TMEM178B: variants seen among roughly 807,000 people sequenced by gnomAD.
TMEM178B encodes transmembrane protein 178B.
A neutral mutation model predicts 31.0 loss-of-function variants in TMEM178B; 5 were observed. That is an observed-to-expected ratio of 0.16 (90% confidence interval 0.08 to 0.34). The LOEUF is 0.34. Among genes scored for constraint, TMEM178B ranks in the 10% least tolerant of loss-of-function variants. The pLI, the probability that TMEM178B is intolerant of heterozygous loss-of-function variation, is 1.00. For missense variants in TMEM178B, 275 were observed against 400.3 expected (o/e 0.69, Z 2.67); for synonymous variants, 164 against 164.0 (o/e 1.00, Z 0.00).
chr7:141,165,638 C>A (rs1056636049), intron 1 of TMEM178B, among the ~76,000 whole-genome samples: 1 of 152,206 alleles, frequency 6.6e-6, no homozygotes, highest in African/African-American at 2.4e-5. Context: ...CCTCCTGGAA[C>A]CCCCTCCTTT....
rs1794555717 is a variant in TMEM178B, at chr7:141,074,201, C to T, written c.-110C>T. 2 of 1,395,476 alleles carry T rather than the reference C, an allele frequency of 1.4e-6. No individual in the cohort carries two copies. The highest frequency in any genetic ancestry group is 9.3e-7 in the Non-Finnish European group (1 of 1,074,238). 86.4% of individuals were successfully genotyped at this position (1,395,476 alleles called of 1,614,324 possible). A position where few individuals can be genotyped will look rare whatever the true frequency, so the allele number is the denominator to read the frequency against. On this transcript the variant is annotated 5_prime_UTR_variant, in exon 1 of 4. Coordinates refer to ENST00000565468, the MANE Select transcript of TMEM178B (RefSeq NM_001195278.2). This position sits in a 1 kb window ranked among gnomAD's most constrained non-coding sequence, Gnocchi z 5.1. Reference sequence around the variant, plus strand: ...CGAGGGGGCGCCGCGGCGCGAGTCCCTCTCCTGCCCCCTCCCCCAGCTCGG... The same window carrying T: ...CGAGGGGGCGCCGCGGCGCGAGTCCTTCTCCTGCCCCCTCCCCCAGCTCGG...
chr7:141,344,697 G>T lies in TMEM178B; in HGVS notation c.497-92911G>T, dbSNP rs1253724998. On this transcript the variant is annotated intron_variant, in intron 2 of 3. Transcript: ENST00000565468. This position sits in a 1 kb window ranked among gnomAD's most constrained non-coding sequence, Gnocchi z 4.1. Reference sequence around the variant, plus strand: ...AACAAAGTATAAAACAATAAAGATGGACACAGAAGGTACAGCACCCCCCAA... The same window carrying T: ...AACAAAGTATAAAACAATAAAGATGTACACAGAAGGTACAGCACCCCCCAA... Among the ~76,000 whole-genome samples the T allele has an allele frequency of 1.3e-5, 2 of 151,150 alleles. No homozygotes were observed. Among genetic ancestry groups the T allele is most frequent in the African/African-American group, 2.4e-5 (1 of 41,014 alleles).
chr7:141,392,444 T>C (rs2116606361), intron 2 of TMEM178B, among the ~76,000 whole-genome samples: 1 of 152,346 alleles, frequency 6.6e-6, no homozygotes, highest in African/African-American at 2.4e-5. Context: ...CCTCTCTGCC[T>C]ACCTATCAAA....
intron 2 of TMEM178B, among the ~76,000 whole-genome samples, chr7:141,408,275 T>G (rs753169473): frequency 3.3e-5 from 5 of 152,154 alleles, no homozygotes; most frequent in Admixed American, 6.5e-5. Flanking sequence ...TGGGGCAACA[T>G]GAGGCCTCCT....
At chr7:141,363,400 A>G (rs1439445237) in intron 2 of TMEM178B, among the ~76,000 whole-genome samples, 1 of 152,228 alleles carries the variant, frequency 6.6e-6, no homozygotes, top group African/African-American at 2.4e-5. Context: ...GAGTGCTTCC[A>G]CACGTGGCCT....
intron 3 of TMEM178B, among the ~76,000 whole-genome samples, chr7:141,451,835 C>A (rs928204465): frequency 2.0e-5 from 3 of 152,160 alleles, no homozygotes. Flanking sequence ...GCTCCACTAC[C>A]AACCCACTTC....
In TMEM178B at chr7:141,461,416, T is replaced by A. The variant is rs903497480; in HGVS notation, c.635-9120T>A. ...AGATGGATATCTGGATCTAGAAACC[T>A]GTAGAAATTGTGCACCAGTGAAGTT... is the stretch of plus-strand genomic sequence containing the variant. On this transcript the variant is annotated intron_variant, in intron 3 of 3. Coordinates refer to ENST00000565468, the MANE Select transcript of TMEM178B (RefSeq NM_001195278.2). The surrounding 1 kb of genome is among the most constrained non-coding windows in gnomAD (Gnocchi z 4.0). 2.0e-5 allele frequency among the ~76,000 whole-genome samples: 3 copies of A among 152,168 alleles called. No homozygotes were observed. Among genetic ancestry groups the A allele is most frequent in the Non-Finnish European group, 4.4e-5 (3 of 68,030 alleles).
chr7:141,388,698 G>A (rs10259042), intron 2 of TMEM178B, among the ~76,000 whole-genome samples: 12,091 of 152,212 alleles, frequency 0.079, 576 homozygotes, highest in African/African-American at 0.11. Context: ...AACATAAGTG[G>A]TGAGCACTGG....
chr7:141,496,136 G>A, the TMEM178B span, among the ~76,000 whole-genome samples: 1 of 152,178 alleles, frequency 6.6e-6, no homozygotes, highest in African/African-American at 2.4e-5. Flanking sequence ...AGCAAGCTAA[G>A]CACATGCTCC....
At chr7:141,259,759 T>A (rs1797983963) in intron 2 of TMEM178B, among the ~76,000 whole-genome samples, 1 of 152,236 alleles carries the variant, frequency 6.6e-6, no homozygotes, top group African/African-American at 2.4e-5. Context: ...TAGCCAGCAA[T>A]TGGTCAGAGG....
chr7:141,121,862 C>T (rs187866773), intron 1 of TMEM178B, among the ~76,000 whole-genome samples: 1 of 152,248 alleles, frequency 6.6e-6, no homozygotes, highest in Admixed American at 6.5e-5. Flanking sequence ...ACTTGCTGAG[C>T]TTGTTAACTT....
At chr7:141,452,310 T>C (rs1381155639) in intron 3 of TMEM178B, among the ~76,000 whole-genome samples, 1 of 152,218 alleles carries the variant, frequency 6.6e-6, no homozygotes, top group African/African-American at 2.4e-5. Context: ...GTTATGCATG[T>C]GCTTTATGTT....
intron 2 of TMEM178B, among the ~76,000 whole-genome samples, chr7:141,220,247 A>T (rs973594075): frequency 1.3e-5 from 2 of 151,652 alleles, no homozygotes; most frequent in African/African-American, 4.8e-5. Flanking sequence ...TGGGAGGTGG[A>T]GTTTGCAGTG....
intron 2 of TMEM178B, among the ~76,000 whole-genome samples, chr7:141,299,501 C>T (rs1180061376): frequency 6.6e-6 from 1 of 152,210 alleles, no homozygotes; most frequent in Non-Finnish European, 1.5e-5. Flanking sequence ...CCATAGCCTT[C>T]CCTCAGGGCC....
intron 1 of TMEM178B, among the ~76,000 whole-genome samples, chr7:141,103,786 T>C (rs550488332): frequency 6.6e-6 from 1 of 152,352 alleles, no homozygotes; most frequent in South Asian, 2.1e-4. Flanking sequence ...TTTAAAACAC[T>C]ATTGCTGACA....
At chr7:141,196,134 T>TAC (rs141258201) in intron 1 of TMEM178B, among the ~76,000 whole-genome samples, 3 of 151,864 alleles carry the variant, frequency 2.0e-5, no homozygotes, top group South Asian at 2.1e-4. Flanking sequence ...TCTGTCACTA[T>TAC]ACACACACAC....
At chr7:141,414,070 A>C in intron 2 of TMEM178B, among the ~76,000 whole-genome samples, 1 of 117,126 alleles carries the variant, frequency 8.5e-6, no homozygotes, top group Non-Finnish European at 1.7e-5. Flanking sequence ...TTCTCCAAAA[A>C]CATCATTTTT....
At chr7:141,409,684 C>G (rs1273761842) in intron 2 of TMEM178B, among the ~76,000 whole-genome samples, 1 of 151,728 alleles carries the variant, frequency 6.6e-6, no homozygotes, top group Non-Finnish European at 1.5e-5. Flanking sequence ...AGCAAGAGTT[C>G]CTCCAGTACG....
chr7:141,397,969 G>A (rs1473881404), intron 2 of TMEM178B, among the ~76,000 whole-genome samples: 1 of 152,164 alleles, frequency 6.6e-6, no homozygotes. Context: ...CAGGGAAAAT[G>A]GGAAGGGGTC....
Sources: allele counts gnomAD v4.1 joint callset (sites outside exome capture counted in the v4.1 genomes callset), GRCh38; gene constraint gnomAD v4.1.1; non-coding constraint Gnocchi (gnomAD v3.1); transcripts MANE v1.5; gene names NCBI Gene and HGNC (gene_info 2026-07-23, HGNC 2026-07-21).